The following AFG2A variants were observed in gnomAD, a reference collection of about 807,000 sequenced individuals.
AFG2A encodes AAA ATPase AFG2A, also known as ATPase family gene 2 protein homolog A.
chr4:122,945,776 C>T, the AFG2A span, among the ~76,000 whole-genome samples: 27 of 152,328 alleles, frequency 1.8e-4, no homozygotes, highest in African/African-American at 5.3e-4. Flanking sequence ...TGTTCCTGTT[C>T]GGCCATCTTG....
chr4:122,935,805 C>T, the AFG2A span: 1 of 1,612,392 alleles, frequency 6.2e-7, no homozygotes, highest in Non-Finnish European at 8.5e-7. Context: ...AAGTTGGAGC[C>T]TATGTTTCTG....
At chr4:122,927,714 A>G in the AFG2A span, 5 of 1,613,404 alleles carry the variant, frequency 3.1e-6, no homozygotes, top group Admixed American at 3.3e-5. Flanking sequence ...AAATATATGT[A>G]TAGGTCGACC....
chr4:123,016,982 C>T, the AFG2A span, among the ~76,000 whole-genome samples: 2 of 152,128 alleles, frequency 1.3e-5, no homozygotes, highest in Admixed American at 6.5e-5. Flanking sequence ...ACCAGTCAGG[C>T]GTGGTGGCGC....
At chr4:123,274,641 C>A in the AFG2A span, among the ~76,000 whole-genome samples, 15,692 of 150,716 alleles carry the variant, frequency 0.1, 912 homozygotes, top group Middle Eastern at 0.16. Context: ...TTCTCTGGTA[C>A]AAGAGCTTTA....
chr4:122,958,476 A>G, the AFG2A span, among the ~76,000 whole-genome samples: 1 of 152,180 alleles, frequency 6.6e-6, no homozygotes, highest in Non-Finnish European at 1.5e-5. Context: ...GGTTAAATCT[A>G]TCTCTTTCTA....
chr4:123,193,299 C>T, the AFG2A span, among the ~76,000 whole-genome samples: 2 of 152,196 alleles, frequency 1.3e-5, no homozygotes, highest in African/African-American at 2.4e-5. Context: ...GATTTGAGTA[C>T]ACTCAGAAAG....
the AFG2A span, among the ~76,000 whole-genome samples, chr4:123,012,924 C>T: frequency 1.3e-5 from 2 of 152,048 alleles, no homozygotes; most frequent in African/African-American, 2.4e-5. Context: ...AAGGCAGGCC[C>T]CCCTATCCGA....
chr4:123,265,740 A>C, the AFG2A span, among the ~76,000 whole-genome samples: 2 of 152,092 alleles, frequency 1.3e-5, no homozygotes, highest in Admixed American at 1.3e-4. Context: ...TCCAGTGAAC[A>C]AGTTAGTCAG....
the AFG2A span, among the ~76,000 whole-genome samples, chr4:122,930,927 T>C: frequency 7.3e-6 from 1 of 137,168 alleles, no homozygotes; most frequent in African/African-American, 2.7e-5. Context: ...AAAAATCTTA[T>C]GTTTTAAAAA....
the AFG2A span, among the ~76,000 whole-genome samples, chr4:123,001,514 C>T: frequency 2.0e-5 from 3 of 149,670 alleles, no homozygotes; most frequent in East Asian, 2.0e-4. Flanking sequence ...TCTTTGTTCT[C>T]GTTGGTTTCA....
chr4:123,056,132 C>G, the AFG2A span, among the ~76,000 whole-genome samples: 2 of 152,172 alleles, frequency 1.3e-5, no homozygotes, highest in Non-Finnish European at 2.9e-5. Flanking sequence ...GAGTTATAGA[C>G]AGATGATGAA....
At chr4:123,028,146 C>T in the AFG2A span, 4 of 1,547,260 alleles carry the variant, frequency 2.6e-6, no homozygotes, top group South Asian at 1.2e-5. Context: ...CTCTGTTTGT[C>T]CTGGCAAAAC....
At chr4:123,096,927 T>C in the AFG2A span, among the ~76,000 whole-genome samples, 1 of 152,082 alleles carries the variant, frequency 6.6e-6, no homozygotes, top group Admixed American at 6.6e-5. Context: ...AGACATAACA[T>C]TTTGTTTTCT....
At chr4:123,262,769 A>C in the AFG2A span, among the ~76,000 whole-genome samples, 115 of 152,314 alleles carry the variant, frequency 7.6e-4, no homozygotes, top group African/African-American at 2.6e-3. Flanking sequence ...AATGTTTGCA[A>C]TTTAGAATGA....
At chr4:123,009,308 G>A in the AFG2A span, among the ~76,000 whole-genome samples, 1 of 152,314 alleles carries the variant, frequency 6.6e-6, no homozygotes, top group East Asian at 1.9e-4. Context: ...GTATACTACA[G>A]TGCTGGCGTG....
the AFG2A span, chr4:123,315,070 TG>T: frequency 1.3e-5 from 2 of 151,894 alleles, no homozygotes; most frequent in Admixed American, 1.3e-4. Flanking sequence ...TTTGTGTTTT[TG>T]TTTTTTTTTC....
At chr4:123,225,765 G>C in the AFG2A span, among the ~76,000 whole-genome samples, 23 of 152,302 alleles carry the variant, frequency 1.5e-4, no homozygotes, top group Non-Finnish European at 3.1e-4. Flanking sequence ...TTGGTAGTTT[G>C]ATGGGGATGG....
At chr4:122,972,318 C>T in the AFG2A span, among the ~76,000 whole-genome samples, 2 of 151,902 alleles carry the variant, frequency 1.3e-5, no homozygotes, top group Non-Finnish European at 2.9e-5. Context: ...ATCCTCTTAT[C>T]TTTTTAATGG....
the AFG2A span, among the ~76,000 whole-genome samples, chr4:122,933,698 T>C: frequency 6.6e-6 from 1 of 152,250 alleles, no homozygotes; most frequent in African/African-American, 2.4e-5. Context: ...GTGGAAAGAA[T>C]ATATGACTTG....
Sources: gnomAD v4.1 joint callset for allele counts (sites outside exome capture counted in the v4.1 genomes callset) on GRCh38, gnomAD v4.1.1 for gene constraint, MANE v1.5 for transcripts, NCBI Gene and HGNC (gene_info 2026-07-23, HGNC 2026-07-21) for gene names.